SYNPR: variants seen among roughly 807,000 people sequenced by gnomAD.
The protein encoded by SYNPR is synaptoporin.
SYNPR carries 23 observed loss-of-function variants against 32.9 expected under a neutral mutation model. The ratio of observed to expected loss-of-function variants is 0.70; its 90% CI spans 0.50 to 0.99. The LOEUF (loss-of-function observed/expected upper bound fraction) is 0.99. SYNPR is among the 50% of genes least tolerant of loss of function. SYNPR has a pLI of 0.00. For synonymous variants in SYNPR, 146 were observed against 135.9 expected (o/e 1.07, Z -0.52); for missense variants, 318 against 349.3 (o/e 0.91, Z 0.71).
intron 3 of SYNPR, among the ~76,000 whole-genome samples, chr3:63,498,866 C>A (rs1701424030): frequency 6.6e-6 from 1 of 150,622 alleles, no homozygotes; most frequent in Non-Finnish European, 1.5e-5. Flanking sequence ...GTAATCTGAG[C>A]ACTTTGGGAG....
At chr3:63,415,380 G>T (rs2088527012) in intron 2 of SYNPR, among the ~76,000 whole-genome samples, 1 of 150,942 alleles carries the variant, frequency 6.6e-6, no homozygotes, top group Non-Finnish European at 1.5e-5. Context: ...CCAAAAATTT[G>T]GCCCAAAAAG....
chr3:63,580,512 G>A (rs1422538807), intron 4 of SYNPR, among the ~76,000 whole-genome samples: 2 of 152,126 alleles, frequency 1.3e-5, no homozygotes, highest in African/African-American at 4.8e-5. Context: ...CAGCTGGGTA[G>A]CTATTGTGTA....
At chr3:63,613,888 C>T (rs910698383) in intron 5 of SYNPR, among the ~76,000 whole-genome samples, 3 of 152,098 alleles carry the variant, frequency 2.0e-5, no homozygotes, top group Non-Finnish European at 4.4e-5. Context: ...AGTACAGTCC[C>T]CAGGGTGCCT....
chr3:63,572,356 C>T (rs1230442680), intron 4 of SYNPR, among the ~76,000 whole-genome samples: 1 of 152,010 alleles, frequency 6.6e-6, no homozygotes, highest in Non-Finnish European at 1.5e-5. Flanking sequence ...ATCTCTTTTG[C>T]TATGAGATTA....
At chr3:63,545,976 G>A (rs945663944) in intron 3 of SYNPR, among the ~76,000 whole-genome samples, 8 of 152,026 alleles carry the variant, frequency 5.3e-5, no homozygotes, top group Non-Finnish European at 1.0e-4. Flanking sequence ...TGAATAAGCC[G>A]TTGTCAACCG....
At chr3:63,312,850 T>A (rs2086982189) in intron 2 of SYNPR, among the ~76,000 whole-genome samples, 1 of 152,014 alleles carries the variant, frequency 6.6e-6, no homozygotes, top group South Asian at 2.1e-4. Context: ...TTGCTCTTGT[T>A]CTGGAATATT....
chr3:63,443,238 C>T, intron 2 of SYNPR: 1 of 1,404,970 alleles, frequency 7.1e-7, no homozygotes, highest in Non-Finnish European at 9.3e-7. Context: ...GACCGTTTTG[C>T]CATCTCTCTG....
intron 3 of SYNPR, 48 bp from the exon 4 acceptor site, chr3:63,556,495 T>TTGTCTCCATTGCATTTAAAGAA (rs1309984887): frequency 3.3e-6 from 5 of 1,514,076 alleles, no homozygotes; most frequent in Non-Finnish European, 4.5e-6. Flanking sequence ...TCATGTATTT[T>TTGTCTCCATTGCATTTAAAGAA]TGTCTCCATT....
intron 2 of SYNPR, among the ~76,000 whole-genome samples, chr3:63,469,947 C>G (rs971515453): frequency 6.6e-6 from 1 of 152,290 alleles, no homozygotes; most frequent in Admixed American, 6.5e-5. Flanking sequence ...GCACATCCAT[C>G]TAATGACAGT....
At chr3:63,370,237 T>C (rs2087778965) in intron 2 of SYNPR, among the ~76,000 whole-genome samples, 1 of 152,178 alleles carries the variant, frequency 6.6e-6, no homozygotes. Context: ...GGCAGTTCTC[T>C]GCCCTGTGGA....
At chr3:63,246,495 A>T (rs537602176) in intron 1 of SYNPR, among the ~76,000 whole-genome samples, 1 of 152,222 alleles carries the variant, frequency 6.6e-6, no homozygotes, top group South Asian at 2.1e-4. Context: ...TAGTGATATG[A>T]TCATAAATTC....
chr3:63,443,149 C>T, intron 2 of SYNPR: 1 of 1,162,898 alleles, frequency 8.6e-7, no homozygotes, highest in Non-Finnish European at 1.1e-6. Context: ...AGCCACCTCC[C>T]CACCAAGCAG....
intron 2 of SYNPR, among the ~76,000 whole-genome samples, chr3:63,414,720 C>T (rs538567223): frequency 2.6e-5 from 4 of 152,292 alleles, no homozygotes; most frequent in Non-Finnish European, 5.9e-5. Context: ...ATATGTAAGT[C>T]TCATTACCAA....
chr3:63,353,116 T>C (rs942434060), intron 2 of SYNPR, among the ~76,000 whole-genome samples: 2 of 152,274 alleles, frequency 1.3e-5, no homozygotes, highest in Non-Finnish European at 2.9e-5. Context: ...CATTCCAGGT[T>C]CTTTGTCTCT....
chr3:63,387,306 A>G (rs1025358115), intron 2 of SYNPR, among the ~76,000 whole-genome samples: 6 of 152,228 alleles, frequency 3.9e-5, no homozygotes, highest in Non-Finnish European at 5.9e-5. Context: ...CCATACAGTT[A>G]TGTCAGAATT....
At chr3:63,456,358 G>C (rs964602303) in intron 2 of SYNPR, among the ~76,000 whole-genome samples, 4 of 152,078 alleles carry the variant, frequency 2.6e-5, no homozygotes, top group Admixed American at 2.0e-4. Flanking sequence ...GCATTCTGTT[G>C]CATCAGTACC....
At chr3:63,586,706 A>AAT (rs903307984) in intron 4 of SYNPR, among the ~76,000 whole-genome samples, 40 of 149,212 alleles carry the variant, frequency 2.7e-4, no homozygotes, top group African/African-American at 6.6e-4. Flanking sequence ...ATATAAGTAT[A>AAT]ATATATATAT....
intron 2 of SYNPR, among the ~76,000 whole-genome samples, chr3:63,362,955 C>A (rs1390514706): frequency 2.0e-5 from 3 of 152,146 alleles, no homozygotes; most frequent in Non-Finnish European, 2.9e-5. Flanking sequence ...AAGGAGACTG[C>A]CACCACCACT....
intron 3 of SYNPR, among the ~76,000 whole-genome samples, chr3:63,268,057 T>C (rs6778448): frequency 0.079 from 12,062 of 152,266 alleles, 1,374 homozygotes; most frequent in African/African-American, 0.25. Context: ...CACTGTGGAA[T>C]AATTGCTCTT....
Sources: gnomAD v4.1 joint callset for allele counts (sites outside exome capture counted in the v4.1 genomes callset) on GRCh38, gnomAD v4.1.1 for gene constraint, MANE v1.5 for transcripts, NCBI Gene and HGNC (gene_info 2026-07-23, HGNC 2026-07-21) for gene names.